FHOD1: variants seen among roughly 807,000 people sequenced by gnomAD.
The protein encoded by FHOD1 is FH1/FH2 domain-containing protein 1.
In FHOD1, 89 loss-of-function variants were observed where a neutral mutation model predicts 111.6. The ratio of observed to expected loss-of-function variants is 0.80; its 90% CI spans 0.67 to 0.95. The LOEUF (loss-of-function observed/expected upper bound fraction) is 0.95. Among genes scored for constraint, FHOD1 ranks in the 40% least tolerant of loss-of-function variants. The pLI is 0.00. For synonymous variants in FHOD1, 618 were observed against 639.0 expected, an observed-to-expected ratio of 0.97 and a Z score of 0.50; for missense variants, 1,446 against 1,554.2, an observed-to-expected ratio of 0.93 and a Z score of 1.17.
chr16:67,234,570 C>T lies in FHOD1; in HGVS notation c.1320-98G>A, dbSNP rs952424153. The T allele has an allele frequency of 4.6e-5, 46 of 1,000,474 alleles. No individual in the cohort carries two copies. In the East Asian group the frequency reaches 7.0e-4, roughly 15 times the overall value. The allele number at this position is 1,000,474 out of a possible 1,614,324, so 62.0% of individuals were successfully genotyped here. On this transcript the variant is annotated intron_variant, in intron 11 of 21. Coordinates refer to ENST00000258201, the MANE Select transcript of FHOD1 (RefSeq NM_013241.3). The stretch of plus-strand genomic sequence containing the variant: ...TGGACACCACCCCCAATTGCAGGCA[C>T]GCACAGACACACAGGGAACAGTCCA...
At chr16:67,239,320 T>A in intron 2 of FHOD1, 28 bp downstream of exon 2, 1 of 1,579,392 alleles carries the variant, frequency 6.3e-7, no homozygotes, top group Non-Finnish European at 8.7e-7. Flanking sequence ...GGGGGTAACC[T>A]TGCCTCCCTG....
rs1247142586 is a variant in FHOD1, at chr16:67,231,579, T to G, written c.2386-30A>C. 1 of 1,614,180 alleles carries G rather than the reference T, an allele frequency of 6.2e-7. No homozygotes were observed. The highest frequency in any genetic ancestry group is 1.7e-5 in the Admixed American group (1 of 60,028). On this transcript the variant is annotated intron_variant, in intron 15 of 21. Coordinates refer to ENST00000258201, the MANE Select transcript of FHOD1 (RefSeq NM_013241.3). The surrounding 1 kb of genome is among the most constrained non-coding windows in gnomAD (Gnocchi z 4.3). ...TATGGGAGACCAGGGACTCTCAGAC[T>G]ACATGGTCATGATGCTTACCTGTCC...
chr16:67,235,523 C>CT (rs1303275648), intron 11 of FHOD1, among the ~76,000 whole-genome samples: 2 of 141,582 alleles, frequency 1.4e-5, no homozygotes, highest in South Asian at 2.3e-4. Context: ...GAGCAAGACT[C>CT]TGTCTCAAAA....
rs754088627 is a variant in FHOD1 at position 67,237,599 on chromosome 16, G to A, written c.755-30C>T. ...CACACAGAAAGTGGAGCAGTCATGG[G>A]GGAACAGGTAGGAGAGAGGGCTCTG... On this transcript the variant is annotated intron_variant, in intron 7 of 21. Transcript: ENST00000258201. The surrounding 1 kb of genome is among the most constrained non-coding windows in gnomAD (Gnocchi z 5.6). 1 of 1,613,578 alleles carries A rather than the reference G, an allele frequency of 6.2e-7. No homozygotes were observed. Among genetic ancestry groups the A allele is most frequent in the Non-Finnish European group, 8.5e-7 (1 of 1,179,462 alleles).
At position 67,231,582 on chromosome 16, in the gene FHOD1, A is replaced by C. The variant is rs760414850; in HGVS notation, c.2386-33T>G. 1.2e-6 allele frequency: 2 copies of C among 1,614,106 alleles called. No individual in the cohort carries two copies. Among genetic ancestry groups the C allele is most frequent in the Non-Finnish European group, 1.7e-6 (2 of 1,180,016 alleles). ...GGGAGACCAGGGACTCTCAGACTAC[A>C]TGGTCATGATGCTTACCTGTCCCTA... is the stretch of plus-strand genomic sequence containing the variant. On this transcript the variant is annotated intron_variant, in intron 15 of 21. Coordinates refer to ENST00000258201, the MANE Select transcript of FHOD1 (RefSeq NM_013241.3). This position sits in a 1 kb window ranked among gnomAD's most constrained non-coding sequence, Gnocchi z 4.3.
rs751968775 is a variant in FHOD1 at position 67,239,366 on chromosome 16, C to T, written c.290G>A (p.Gly97Asp). ...TTCTGACCTGATCTCTTCATAGAAG[C>T]CCTCCAGCATCTCCCGCTGCTCTTC... ...SLEEQREMLE[G>D]FYEEISKGRK... Residue 97 changes from glycine (G) to aspartate (D), a missense_variant, in exon 2 of 22, where the codon GGC (glycine) becomes GAC (aspartate). Coordinates refer to ENST00000258201, the MANE Select transcript of FHOD1 (RefSeq NM_013241.3). The T allele has an allele frequency of 1.2e-6, 2 of 1,614,138 alleles. No homozygotes were observed. Among genetic ancestry groups the T allele is most frequent in the East Asian group, 2.2e-5 (1 of 44,880 alleles).
chr16:67,239,492 G>T, intron 1 of FHOD1, 38 bp from the exon 2 acceptor site: 1 of 1,511,130 alleles, frequency 6.6e-7, no homozygotes, highest in South Asian at 1.1e-5. Flanking sequence ...CTGAGGAAGA[G>T]GTGGCAGGCG....
Position 67,233,951 on chromosome 16 carries a change from G to T in FHOD1, c.1752C>A (p.Pro584=), listed in dbSNP as rs781091631. 4 of 1,597,328 alleles carry T rather than the reference G, an allele frequency of 2.5e-6. No homozygotes were observed. In the South Asian group the frequency reaches 3.3e-5, roughly 13 times the overall value. ...PPLPLLSGVP[P]PPPLPPPPPI... is the part of the protein sequence containing the mutation. ...GTGGGGGAGGTGGAAGTGGGGGAGG[G>T]GGGGGTACTCCCGAGAGCAGGGGCA... Residue 584 remains proline (P), a synonymous_variant, in exon 13 of 22, where the codon CCC becomes CCA. Transcript: ENST00000258201.
At chr16:67,239,064 G>T in intron 2 of FHOD1, 97 bp from the exon 3 acceptor site, 1 of 1,226,634 alleles carries the variant, frequency 8.2e-7, no homozygotes. Context: ...GCCAGCCCCA[G>T]CCCAGCTTGT....
Position 67,238,558 on chromosome 16 carries a change from T to A in FHOD1, c.374-111A>T. The A allele has an allele frequency of 9.0e-7, 1 of 1,110,592 alleles. No individual in the cohort carries two copies. The highest frequency in any genetic ancestry group is 2.1e-4 in the Middle Eastern group (1 of 4,760). The allele number at this position is 1,110,592 out of a possible 1,614,324, so 68.8% of individuals were successfully genotyped here. Reference sequence around the variant, plus strand: ...GAATAGTCTAATATATATGTTTTGGTCTGAGAGACAGGGTCTCACTCTGTC... The same window carrying A: ...GAATAGTCTAATATATATGTTTTGGACTGAGAGACAGGGTCTCACTCTGTC... On this transcript the variant is annotated intron_variant, in intron 3 of 21. Transcript: ENST00000258201. This position sits in a 1 kb window ranked among gnomAD's most constrained non-coding sequence, Gnocchi z 4.2.
In FHOD1 at chr16:67,232,138, G is replaced by A. The variant is rs144361447; in HGVS notation, c.2103C>T (p.Asn701=). The A allele has an allele frequency of 5.8e-5, 93 of 1,614,090 alleles. 1 individual carries two copies. In the Admixed American group the frequency reaches 9.2e-4, roughly 16 times the overall value. The change falls in exon 14 of 22, where the codon AAC becomes AAT. Residue 701 remains asparagine (N), a synonymous_variant. Transcript: ENST00000258201. ...GTGTGGTTAGGCCGATGTTGATGGCGTTGCTGCGCTTGGGGTCCAGCACTG... is the reference window on the plus strand; with the variant it reads ...GTGTGGTTAGGCCGATGTTGATGGCATTGCTGCGCTTGGGGTCCAGCACTG... ...MTTVLDPKRS[N]AINIGLTTLP... is the part of the protein sequence containing the mutation.
In FHOD1 at chr16:67,230,791, C is replaced by A. The variant is rs932053764; in HGVS notation, c.2668G>T (p.Val890Leu). 24 of 1,586,244 alleles carry A rather than the reference C, an allele frequency of 1.5e-5. No individual in the cohort carries two copies. The highest frequency in any genetic ancestry group is 1.9e-5 in the Non-Finnish European group (22 of 1,165,674). Residue 890 changes from valine (V) to leucine (L), a missense_variant and splice_region_variant, in exon 18 of 22, where the codon GTG becomes TTG. Val to Leu is a conservative substitution (Grantham distance 32, BLOSUM62 1). Around this residue, in one of 3 missense-constraint regions of FHOD1, gnomAD observed 1,085 missense variants for 1,108.8 expected, o/e 0.98. Coordinates refer to ENST00000258201, the MANE Select transcript of FHOD1 (RefSeq NM_013241.3). ...EIPALTRCAK[V>L]DFEQLTENLG... ...TTCTCAGTCAGCTGTTCAAAGTCCA[C>A]CTGAGAAAGCAAGGGGGTGCACATA... is the stretch of plus-strand genomic sequence containing the variant.
chr16:67,239,047 T>A, intron 2 of FHOD1, 80 bp from the exon 3 acceptor site: 1 of 1,378,410 alleles, frequency 7.3e-7, no homozygotes, highest in South Asian at 1.2e-5. Context: ...GCCAAAGACC[T>A]CCCCATGCCA....
intron 11 of FHOD1, chr16:67,234,754 C>CTGGTTTTTTTTTGGT (rs1453462508): frequency 2.4e-6 from 1 of 414,376 alleles, no homozygotes; most frequent in Non-Finnish European, 4.4e-6. Flanking sequence ...GTTCACTGTC[C>CTGGTTTTTTTTTGGT]TGGTTTTTTT....
In FHOD1 at chr16:67,237,763, G is replaced by A; in HGVS notation, c.648C>T (p.Arg216=). Residue 216 remains arginine (R), a synonymous_variant, in exon 7 of 22, where the codon CGC becomes CGT. Transcript: ENST00000258201. The surrounding 1 kb of genome is among the most constrained non-coding windows in gnomAD (Gnocchi z 5.6). The part of the protein sequence containing the change: ...WLYTLCASLS[R]LVVKTALKLL... ...GCTTCAGGGCTGTCTTCACCACCAA[G>A]CGGGACTGAGGAGAGAGGTCAGTAC... 1 of 1,614,018 alleles carries A rather than the reference G, an allele frequency of 6.2e-7. No individual in the cohort carries two copies. Among genetic ancestry groups the A allele is most frequent in the Non-Finnish European group, 8.5e-7 (1 of 1,179,870 alleles).
chr16:67,246,326 G>C (rs961131984), intron 1 of FHOD1, among the ~76,000 whole-genome samples: 30 of 152,208 alleles, frequency 2.0e-4, no homozygotes, highest in Non-Finnish European at 3.4e-4. Flanking sequence ...GGGAGCTTGT[G>C]GAGGTGGTAG....
intron 1 of FHOD1, chr16:67,247,009 T>A (rs575742997): frequency 1.7e-5 from 10 of 596,324 alleles, no homozygotes; most frequent in Non-Finnish European, 2.8e-5. Flanking sequence ...GCCAAGTTCC[T>A]GGCACCCCTC....
At chr16:67,247,167 C>G in intron 1 of FHOD1, 43 bp downstream of exon 1, 1 of 1,485,170 alleles carries the variant, frequency 6.7e-7, no homozygotes, top group South Asian at 1.3e-5. Context: ...TGGCGCCCAC[C>G]CTGAACCCCC....
rs1406786569 is a variant in FHOD1 at position 67,230,172 on chromosome 16, T to C, written c.3108A>G (p.Val1036=). ...CCCGGCCTGGCCCGCTGCTCACTGCTACTGGGACAGAGGGGTTGCTGGGGG... is the reference window on the plus strand; with the variant it reads ...CCCGGCCTGGCCCGCTGCTCACTGCCACTGGGACAGAGGGGTTGCTGGGGG... The part of the protein sequence containing the change: ...GEAPSNPSVP[V]AVSSGPGRGD... Residue 1036 remains valine (V), a synonymous_variant, in exon 20 of 22, where the codon GTA becomes GTG. Coordinates refer to ENST00000258201, the MANE Select transcript of FHOD1 (RefSeq NM_013241.3). 1.2e-6 allele frequency: 2 copies of C among 1,614,004 alleles called. No individual in the cohort carries two copies. Among genetic ancestry groups the C allele is most frequent in the African/African-American group, 2.7e-5 (2 of 74,938 alleles).
Sources: gnomAD v4.1 joint callset for allele counts (sites outside exome capture counted in the v4.1 genomes callset) on GRCh38, gnomAD v4.1.1 for gene constraint, gnomAD v4.1.1 regional missense constraint, Gnocchi (gnomAD v3.1) non-coding constraint, MANE v1.5 for transcripts, NCBI Gene and HGNC (gene_info 2026-07-23, HGNC 2026-07-21) for gene names.